EHMT1: variants seen among roughly 807,000 people sequenced by gnomAD.
EHMT1 encodes the protein histone-lysine N-methyltransferase EHMT1.
EHMT1 carries 15 observed loss-of-function variants against 147.2 expected under a neutral mutation model. The ratio of observed to expected loss-of-function variants is 0.10; its 90% confidence interval spans 0.07 to 0.16. The LOEUF (loss-of-function observed/expected upper bound fraction) is 0.16, where lower values mean the gene tolerates loss of function less well. Ranked by LOEUF, EHMT1 falls within the 10% of genes least tolerant of loss-of-function variation. The probability of loss-of-function intolerance (pLI) is 1.00; values close to 1 mark genes in which losing one functional copy is unlikely to be tolerated. For synonymous variants in EHMT1, 795 were observed against 709.6 expected, an observed-to-expected ratio of 1.12 and a Z score of -1.91; for missense variants, 1,587 against 1,772.4, an observed-to-expected ratio of 0.90 and a Z score of 1.88.
At chr9:137,665,200 A>G (rs1320308875) in intron 1 of EHMT1, among the ~76,000 whole-genome samples, 1 of 152,212 alleles carries the variant, frequency 6.6e-6, no homozygotes, top group Non-Finnish European at 1.5e-5. Context: ...CCCTATTTTT[A>G]TAGAAAAAGG....
At chr9:137,802,814 T>G in intron 18 of EHMT1, 1 of 1,231,676 alleles carries the variant, frequency 8.1e-7, no homozygotes, top group East Asian at 3.2e-5. Context: ...ATCCAGGGGG[T>G]TTCTACCTCA....
chr9:137,814,683 G>A, intron 22 of EHMT1, 175 bp downstream of exon 22: 1 of 725,918 alleles, frequency 1.4e-6, no homozygotes, highest in Non-Finnish European at 2.4e-6. Flanking sequence ...ACCCGAGTCA[G>A]GGTCGTGAGC....
chr9:137,729,130 A>G (rs984044240), intron 4 of EHMT1, among the ~76,000 whole-genome samples: 2 of 151,870 alleles, frequency 1.3e-5, no homozygotes, highest in Admixed American at 1.3e-4. Context: ...CTGGGATGGG[A>G]TGTGTGCGTT....
chr9:137,743,575 T>C (rs1211399303), intron 5 of EHMT1, 47 bp downstream of exon 5: 1 of 1,613,186 alleles, frequency 6.2e-7, no homozygotes, highest in Admixed American at 1.7e-5. Context: ...TGGAAATGCG[T>C]TTCTGTGTTC....
At chr9:137,649,072 G>A (rs1041608756) in intron 1 of EHMT1, among the ~76,000 whole-genome samples, 4 of 152,204 alleles carry the variant, frequency 2.6e-5, no homozygotes, top group African/African-American at 7.2e-5. Flanking sequence ...GTTGAGTAGT[G>A]TCTTCCCAAA....
chr9:137,761,747 G>A (rs191814175), intron 9 of EHMT1, among the ~76,000 whole-genome samples: 103 of 152,296 alleles, frequency 6.8e-4, no homozygotes, highest in Middle Eastern at 6.8e-3. Context: ...GTGAGCCACC[G>A]CGCCCAGCCA....
chr9:137,787,750 G>T lies in EHMT1; in HGVS notation c.2383-3098G>T. On this transcript the variant is annotated intron_variant, in intron 15 of 26. Transcript: ENST00000460843. The surrounding 1 kb of genome is among the most constrained non-coding windows in gnomAD (Gnocchi z 4.2). ...CCACCGAAACATCGTAGATGCTTTT[G>T]TTGGGTGACACACCCTGGAAGAGGG... is the stretch of plus-strand genomic sequence containing the variant. 1 of 789,178 alleles carries T rather than the reference G, an allele frequency of 1.3e-6. No individual in the cohort carries two copies. 48.9% of individuals were successfully genotyped at this position (789,178 alleles called of 1,614,324 possible).
At chr9:137,682,978 G>A (rs961562477) in intron 1 of EHMT1, among the ~76,000 whole-genome samples, 2 of 152,226 alleles carry the variant, frequency 1.3e-5, no homozygotes, top group Admixed American at 6.5e-5. Flanking sequence ...GGAAGGGCCT[G>A]TGTGCCCTGG....
chr9:137,687,018 C>T (rs116086676), intron 1 of EHMT1, among the ~76,000 whole-genome samples: 12,813 of 152,184 alleles, frequency 0.084, 620 homozygotes, highest in Middle Eastern at 0.2. Flanking sequence ...CATGAGCCAC[C>T]GCGCTGGCCC....
At chr9:137,707,126 A>G (rs924248536) in intron 1 of EHMT1, among the ~76,000 whole-genome samples, 4 of 152,346 alleles carry the variant, frequency 2.6e-5, no homozygotes, top group African/African-American at 4.8e-5. Flanking sequence ...CGCCTGGCCT[A>G]TCATTTACAT....
At chr9:137,789,543 G>C (rs1489897266) in intron 15 of EHMT1, among the ~76,000 whole-genome samples, 1 of 152,176 alleles carries the variant, frequency 6.6e-6, no homozygotes, top group Admixed American at 6.5e-5. Flanking sequence ...AGGTTTGGCA[G>C]CCGGACCTTG....
At chr9:137,620,975 A>G (rs1289656715) in intron 1 of EHMT1, among the ~76,000 whole-genome samples, 1 of 152,154 alleles carries the variant, frequency 6.6e-6, no homozygotes, top group African/African-American at 2.4e-5. Context: ...CAACCTTAAG[A>G]GGTAGGTACT....
intron 18 of EHMT1, chr9:137,802,597 C>T: frequency 2.5e-6 from 1 of 400,298 alleles, no homozygotes. Context: ...ACGGCGTGGG[C>T]ACGGGCCCTT....
intron 1 of EHMT1, among the ~76,000 whole-genome samples, chr9:137,662,021 C>T (rs867150580): frequency 5.3e-5 from 8 of 151,962 alleles, no homozygotes; most frequent in African/African-American, 1.9e-4. Flanking sequence ...AGGCTGGTCT[C>T]GAACTCCTGA....
intron 1 of EHMT1, among the ~76,000 whole-genome samples, chr9:137,683,365 G>A (rs1942146191): frequency 6.6e-6 from 1 of 152,356 alleles, no homozygotes; most frequent in South Asian, 2.1e-4. Context: ...AAGGCTGGGA[G>A]GGGGAGTAAA....
chr9:137,763,014 G>A, intron 10 of EHMT1, 194 bp downstream of exon 10: 1 of 719,530 alleles, frequency 1.4e-6, no homozygotes. Context: ...CAGGTCTAGA[G>A]CTTGTTAAAA....
Position 137,743,947 on chromosome 9 carries a change from A to G in EHMT1, c.1027A>G (p.Ser343Gly). 6.2e-7 allele frequency: 1 copy of G among 1,613,746 alleles called. No individual in the cohort carries two copies. Among genetic ancestry groups the G allele is most frequent in the Non-Finnish European group, 8.5e-7 (1 of 1,179,902 alleles). ...GASSLHVNGESLEMDSDEDDS... is the reference protein window; with the variant it reads ...GASSLHVNGEGLEMDSDEDDS... Reference sequence around the variant, plus strand: ...CAGCAGCCTGCACGTGAATGGGGAGAGCCTGGAGATGGACTCGGATGAGGA... The same window carrying G: ...CAGCAGCCTGCACGTGAATGGGGAGGGCCTGGAGATGGACTCGGATGAGGA... Residue 343 changes from serine (S) to glycine (G), a missense_variant, in exon 6 of 27, where the codon AGC becomes GGC. By Grantham distance (56) the Ser-to-Gly change is moderately conservative. Transcript: ENST00000460843.
chr9:137,788,331 A>G (rs1232694154), intron 15 of EHMT1: 2 of 383,340 alleles, frequency 5.2e-6, no homozygotes, highest in African/African-American at 2.1e-5. Flanking sequence ...CAGGGGGCCC[A>G]GGACGTTGGC....
At chr9:137,800,630 G>C (rs1953396129) in intron 17 of EHMT1, 2 of 556,864 alleles carry the variant, frequency 3.6e-6, no homozygotes, top group African/African-American at 3.8e-5. Context: ...GACAGCACAG[G>C]GCATGTCGGG....
Sources: gnomAD v4.1 joint callset for allele counts (sites outside exome capture counted in the v4.1 genomes callset) on GRCh38, gnomAD v4.1.1 for gene constraint, Gnocchi (gnomAD v3.1) non-coding constraint, MANE v1.5 for transcripts, NCBI Gene and HGNC (gene_info 2026-07-23, HGNC 2026-07-21) for gene names.